PTPRG: variants seen among roughly 807,000 people sequenced by gnomAD.
PTPRG encodes the protein protein tyrosine phosphatase receptor type G.
PTPRG carries 102 observed loss-of-function variants against 165.3 expected under a neutral mutation model. The ratio of observed to expected loss-of-function variants is 0.62; its 90% confidence interval spans 0.53 to 0.73. The LOEUF (loss-of-function observed/expected upper bound fraction) is 0.73, where lower values mean the gene tolerates loss of function less well. Ranked by LOEUF, PTPRG falls within the 30% of genes least tolerant of loss-of-function variation. The probability of loss-of-function intolerance (pLI) is 0.00; values close to 1 mark genes in which losing one functional copy is unlikely to be tolerated. For missense variants in PTPRG, 1,866 were observed against 1,861.4 expected (o/e 1.00, Z -0.05); for synonymous variants, 675 against 669.5 (o/e 1.01, Z -0.13).
chr3:62,170,867 A>C (rs1705189403), intron 8 of PTPRG, among the ~76,000 whole-genome samples: 1 of 152,166 alleles, frequency 6.6e-6, no homozygotes, highest in African/African-American at 2.4e-5. Context: ...CAACCTGAGC[A>C]CACCTGAGTA....
intron 3 of PTPRG, among the ~76,000 whole-genome samples, chr3:62,002,294 T>C (rs932142122): frequency 6.6e-6 from 1 of 152,178 alleles, no homozygotes; most frequent in Non-Finnish European, 1.5e-5. Context: ...AGGATCTCTT[T>C]AGGAAGAGGA....
At chr3:61,733,670 TA>T (rs1303279926) in intron 1 of PTPRG, among the ~76,000 whole-genome samples, 1 of 152,234 alleles carries the variant, frequency 6.6e-6, no homozygotes, top group Non-Finnish European at 1.5e-5. Flanking sequence ...GATGGAGCTT[TA>T]AAAAGCATTC....
At chr3:61,995,681 C>CTCCT (rs1575864176) in intron 3 of PTPRG, among the ~76,000 whole-genome samples, 4 of 90,504 alleles carry the variant, frequency 4.4e-5, no homozygotes, top group Non-Finnish European at 9.4e-5. Flanking sequence ...CCTGCCCGCC[C>CTCCT]GCCTTCCTTC....
chr3:61,571,244 C>T (rs770467601), intron 1 of PTPRG, among the ~76,000 whole-genome samples: 13 of 152,074 alleles, frequency 8.5e-5, no homozygotes, highest in African/African-American at 2.4e-4. Flanking sequence ...CCAAGGTCAC[C>T]GGGGTAGCAA....
At chr3:61,610,388 A>G (rs1221980528) in intron 1 of PTPRG, among the ~76,000 whole-genome samples, 1 of 152,130 alleles carries the variant, frequency 6.6e-6, no homozygotes, top group Non-Finnish European at 1.5e-5. Flanking sequence ...TGGTAGATGT[A>G]TTGTCATTGT....
intron 3 of PTPRG, among the ~76,000 whole-genome samples, chr3:61,992,586 C>G (rs940610831): frequency 6.6e-6 from 1 of 152,026 alleles, no homozygotes; most frequent in Non-Finnish European, 1.5e-5. Flanking sequence ...TTGGTGCAAT[C>G]TCGGCTCACT....
At chr3:61,931,074 G>T (rs1354560634) in intron 2 of PTPRG, among the ~76,000 whole-genome samples, 3 of 152,064 alleles carry the variant, frequency 2.0e-5, no homozygotes, top group Admixed American at 1.3e-4. Flanking sequence ...TGCTTAGAAG[G>T]GCCCAAAGCT....
intron 2 of PTPRG, among the ~76,000 whole-genome samples, chr3:61,884,693 T>C (rs1427064815): frequency 1.3e-5 from 2 of 152,220 alleles, no homozygotes; most frequent in Non-Finnish European, 2.9e-5. Flanking sequence ...AATGATACTT[T>C]AACTTTTCTT....
At chr3:61,984,376 C>G (rs911342510) in intron 2 of PTPRG, among the ~76,000 whole-genome samples, 4 of 152,090 alleles carry the variant, frequency 2.6e-5, no homozygotes, top group Non-Finnish European at 5.9e-5. Flanking sequence ...TTACCGTAGT[C>G]TCTTGTTTCC....
At chr3:62,256,041 C>T (rs1166517515) in intron 16 of PTPRG, among the ~76,000 whole-genome samples, 1 of 152,066 alleles carries the variant, frequency 6.6e-6, no homozygotes, top group Non-Finnish European at 1.5e-5. Flanking sequence ...GTCGAGGAGG[C>T]CAAGTTTTCA....
chr3:61,955,858 G>GTA (rs2040015233), intron 2 of PTPRG, among the ~76,000 whole-genome samples: 1 of 151,810 alleles, frequency 6.6e-6, no homozygotes, highest in African/African-American at 2.4e-5. Context: ...TATCTGAAAA[G>GTA]AAATAAAAAT....
chr3:62,036,982 C>T (rs13067008), intron 4 of PTPRG, among the ~76,000 whole-genome samples: 4 of 103,992 alleles, frequency 3.8e-5, no homozygotes, highest in African/African-American at 7.5e-5. Flanking sequence ...CGCGCGCGCA[C>T]GCACACACAC....
At chr3:61,846,558 A>G (rs564032318) in intron 2 of PTPRG, among the ~76,000 whole-genome samples, 47 of 152,266 alleles carry the variant, frequency 3.1e-4, no homozygotes, top group African/African-American at 1.1e-3. Flanking sequence ...AGTGCCTTCT[A>G]TGCATAGAGC....
chr3:61,661,602 T>TTGAAATAA (rs1702670309), intron 1 of PTPRG, among the ~76,000 whole-genome samples: 2 of 152,184 alleles, frequency 1.3e-5, no homozygotes, highest in African/African-American at 4.8e-5. Flanking sequence ...AAAGAACAAG[T>TTGAAATAA]TTATTTCATT....
At chr3:61,616,635 C>T (rs889752314) in intron 1 of PTPRG, among the ~76,000 whole-genome samples, 1 of 152,210 alleles carries the variant, frequency 6.6e-6, no homozygotes, top group South Asian at 2.1e-4. Flanking sequence ...TTGGTTACCC[C>T]TTCTGGACAG....
chr3:61,847,198 C>G (rs1458142991), intron 2 of PTPRG, among the ~76,000 whole-genome samples: 1 of 152,114 alleles, frequency 6.6e-6, no homozygotes, highest in Non-Finnish European at 1.5e-5. Flanking sequence ...TCCAGTATAA[C>G]AGGTGTCCTT....
chr3:62,178,642 C>T (rs546530041), intron 8 of PTPRG, among the ~76,000 whole-genome samples: 9 of 152,212 alleles, frequency 5.9e-5, no homozygotes, highest in African/African-American at 2.2e-4. Context: ...TCAGGATGCT[C>T]TCAGGCAGAA....
At chr3:62,052,310 T>G (rs1017174513) in intron 4 of PTPRG, among the ~76,000 whole-genome samples, 1 of 152,154 alleles carries the variant, frequency 6.6e-6, no homozygotes, top group Non-Finnish European at 1.5e-5. Context: ...AGGTGTGTAG[T>G]TTATCGGTAA....
rs1179402819 is a variant in PTPRG, at chr3:62,132,589, C to T, written c.616-13C>T. On this transcript the variant is annotated splice_polypyrimidine_tract_variant and intron_variant, in intron 5 of 29. Coordinates refer to ENST00000474889, the MANE Select transcript of PTPRG (RefSeq NM_002841.4). ...AGAATAGATTTAACCAATCATGTTT[C>T]CTTTACATTTAGGTCAGTCCGAGGG... is the stretch of plus-strand genomic sequence containing the variant. 6.3e-7 allele frequency: 1 copy of T among 1,590,308 alleles called. No individual in the cohort carries two copies. Among genetic ancestry groups the T allele is most frequent in the Non-Finnish European group, 8.6e-7 (1 of 1,158,416 alleles).
Sources: allele counts gnomAD v4.1 joint callset (sites outside exome capture counted in the v4.1 genomes callset), GRCh38; gene constraint gnomAD v4.1.1; transcripts MANE v1.5; gene names NCBI Gene and HGNC (gene_info 2026-07-23, HGNC 2026-07-21).